SLC16A10: variants seen among roughly 807,000 people sequenced by gnomAD.
SLC16A10 encodes the protein solute carrier family 16 member 10, also known as monocarboxylate transporter 10.
SLC16A10 carries 27 observed loss-of-function variants against 40.0 expected under a neutral mutation model. The observed-to-expected ratio is 0.67, with a 90% CI of 0.50 to 0.93. SLC16A10 has a LOEUF of 0.93. Ranked by LOEUF, SLC16A10 falls within the 40% of genes least tolerant of loss-of-function variation. The pLI, the probability that SLC16A10 is intolerant of heterozygous loss-of-function variation, is 0.00. For missense variants in SLC16A10, 529 were observed against 658.2 expected (o/e 0.80, Z 2.15); for synonymous variants, 213 against 249.8 (o/e 0.85, Z 1.39).
At chr6:111,173,106 T>G (rs933126446) in intron 2 of SLC16A10, among the ~76,000 whole-genome samples, 4 of 152,198 alleles carry the variant, frequency 2.6e-5, no homozygotes, top group Non-Finnish European at 4.4e-5. Context: ...TTTCTCCTTA[T>G]CTTTTTCTTC....
At position 111,231,088 on chromosome 6, in the gene SLC16A10, T is replaced by C. The variant is rs2114605142; in HGVS notation, c.*8853T>C. On this transcript the variant is annotated 3_prime_UTR_variant, in exon 6 of 6. Coordinates refer to ENST00000368851, the MANE Select transcript of SLC16A10 (RefSeq NM_018593.5). Reference sequence around the variant, plus strand: ...TGCAATTTAATATAGATAACCAAAATCTTTTTAATGAAAAGATCTTTACAA... The same window carrying C: ...TGCAATTTAATATAGATAACCAAAACCTTTTTAATGAAAAGATCTTTACAA... 1 of 152,280 alleles carries C rather than the reference T, an allele frequency of 6.6e-6. No homozygotes were observed. The highest frequency in any genetic ancestry group is 2.1e-4 in the South Asian group (1 of 4,820). 9.4% of individuals were successfully genotyped at this position (152,280 alleles called of 1,614,324 possible).
In SLC16A10 at chr6:111,230,079, C is replaced by G. The variant is rs1417343130; in HGVS notation, c.*7844C>G. ...TCTCAGCTCACTGCAACCTCCGCCT[C>G]CCGGGCTCAAGTGATTCTCGTGCCT... On this transcript the variant is annotated 3_prime_UTR_variant, in exon 6 of 6. Transcript: ENST00000368851. The G allele has an allele frequency of 1.4e-5, 2 of 139,768 alleles. No individual in the cohort carries two copies. The highest frequency in any genetic ancestry group is 5.3e-5 in the African/African-American group (2 of 37,864). 8.7% of individuals were successfully genotyped at this position (139,768 alleles called of 1,614,324 possible).
chr6:111,180,670 G>C (rs541827956), intron 3 of SLC16A10, among the ~76,000 whole-genome samples: 1 of 152,302 alleles, frequency 6.6e-6, no homozygotes, highest in Admixed American at 6.5e-5. Flanking sequence ...AGCCAGATGT[G>C]GTGGTACACA....
intron 4 of SLC16A10, among the ~76,000 whole-genome samples, chr6:111,209,035 CA>C (rs879672374): frequency 3.1e-4 from 45 of 146,440 alleles, no homozygotes; most frequent in African/African-American, 4.0e-4. Context: ...TCATCTCTAC[CA>C]AAAAAAAAAA....
At chr6:111,212,956 G>T (rs992906405) in intron 4 of SLC16A10, among the ~76,000 whole-genome samples, 2 of 152,084 alleles carry the variant, frequency 1.3e-5, no homozygotes, top group African/African-American at 2.4e-5. Flanking sequence ...GTGTGTCGTG[G>T]TATCTTTTTA....
At chr6:111,089,187 C>G (rs1180705478) in intron 1 of SLC16A10, among the ~76,000 whole-genome samples, 1 of 152,016 alleles carries the variant, frequency 6.6e-6, no homozygotes, top group Admixed American at 6.6e-5. Flanking sequence ...ATGGGCAAGA[C>G]TGTAATAAAT....
chr6:111,131,241 C>T (rs538515083), intron 1 of SLC16A10, among the ~76,000 whole-genome samples: 1 of 152,334 alleles, frequency 6.6e-6, no homozygotes, highest in Non-Finnish European at 1.5e-5. Flanking sequence ...GAGGTGGTGC[C>T]CATTGCCGCT....
rs75627684 is a variant in SLC16A10, at chr6:111,097,861, A to G, written c.343+9766A>G. Among the ~76,000 whole-genome samples, 21 of 152,262 alleles carry G rather than the reference A, an allele frequency of 1.4e-4. 1 individual carries two copies. The East Asian group carries it at 4.1e-3, about 29-fold the overall frequency. ...GGTATCCTTTAGATAGTTAAGTCTA[A>G]ATGAAAGGTCAATGATTAAATTAAT... On this transcript the variant is annotated intron_variant, in intron 1 of 5. Transcript: ENST00000368851.
intron 1 of SLC16A10, among the ~76,000 whole-genome samples, chr6:111,121,970 C>T (rs1156454447): frequency 6.6e-6 from 1 of 152,200 alleles, no homozygotes; most frequent in Non-Finnish European, 1.5e-5. Flanking sequence ...AGCTGGCTTT[C>T]TGTACCCTGG....
At chr6:111,140,662 A>T (rs1460277638) in intron 1 of SLC16A10, among the ~76,000 whole-genome samples, 8 of 152,366 alleles carry the variant, frequency 5.3e-5, no homozygotes, top group Non-Finnish European at 1.0e-4. Context: ...TTATTAAATT[A>T]AAAAACCATT....
At chr6:111,091,961 C>T (rs1770983210) in intron 1 of SLC16A10, among the ~76,000 whole-genome samples, 1 of 152,044 alleles carries the variant, frequency 6.6e-6, no homozygotes, top group Admixed American at 6.6e-5. Context: ...AAATTAATAA[C>T]AGACCAGAAG....
At chr6:111,127,040 G>A (rs534747097) in intron 1 of SLC16A10, among the ~76,000 whole-genome samples, 43 of 152,300 alleles carry the variant, frequency 2.8e-4, no homozygotes, top group African/African-American at 1.0e-3. Flanking sequence ...AATATTGGTA[G>A]TATTATTTTC....
intron 1 of SLC16A10, among the ~76,000 whole-genome samples, chr6:111,123,873 C>T (rs766657174): frequency 2.6e-5 from 4 of 152,186 alleles, no homozygotes; most frequent in Non-Finnish European, 5.9e-5. Flanking sequence ...ATGTTACCAT[C>T]TGGGAGACAT....
chr6:111,175,874 ATT>A (rs879492804), intron 2 of SLC16A10, among the ~76,000 whole-genome samples: 2 of 143,228 alleles, frequency 1.4e-5, no homozygotes. Flanking sequence ...AATTTCAGCT[ATT>A]TTTTTTTTTT....
intron 1 of SLC16A10, among the ~76,000 whole-genome samples, chr6:111,102,723 A>T (rs573789424): frequency 6.6e-6 from 1 of 152,184 alleles, no homozygotes; most frequent in East Asian, 1.9e-4. Context: ...GGGCATGAGG[A>T]CTTTGTGATT....
intron 1 of SLC16A10, among the ~76,000 whole-genome samples, chr6:111,169,922 T>TTC (rs1554259462): frequency 6.8e-6 from 1 of 148,076 alleles, no homozygotes; most frequent in African/African-American, 2.5e-5. Context: ...TTTCTTTCTT[T>TTC]TTTTTTTTTT....
chr6:111,164,731 C>T (rs953677812), intron 1 of SLC16A10, among the ~76,000 whole-genome samples: 28 of 152,178 alleles, frequency 1.8e-4, no homozygotes, highest in African/African-American at 6.8e-4. Context: ...GCACTCCATC[C>T]TGGACAACAG....
At chr6:111,103,972 A>G (rs1771236140) in intron 1 of SLC16A10, among the ~76,000 whole-genome samples, 1 of 152,208 alleles carries the variant, frequency 6.6e-6, no homozygotes, top group African/African-American at 2.4e-5. Flanking sequence ...GCTAGTAAGT[A>G]GTGAGGCTGG....
In SLC16A10 at chr6:111,200,869, C is replaced by T. The variant is rs544990229; in HGVS notation, c.943-5723C>T. ...TTGGATGGATATTTTCTTAGAATTACTCCAAAATGCAGTAAATGAGAAGCA... is the reference window on the plus strand; with the variant it reads ...TTGGATGGATATTTTCTTAGAATTATTCCAAAATGCAGTAAATGAGAAGCA... On this transcript the variant is annotated intron_variant, in intron 3 of 5. Coordinates refer to ENST00000368851, the MANE Select transcript of SLC16A10 (RefSeq NM_018593.5). 2.6e-5 allele frequency among the ~76,000 whole-genome samples: 4 copies of T among 152,246 alleles called. No homozygotes were observed. The East Asian group carries it at 7.7e-4, about 29-fold the overall frequency.
Sources: gnomAD v4.1 joint callset for allele counts (sites outside exome capture counted in the v4.1 genomes callset) on GRCh38, gnomAD v4.1.1 for gene constraint, MANE v1.5 for transcripts, NCBI Gene and HGNC (gene_info 2026-07-23, HGNC 2026-07-21) for gene names.